The following PPFIA1 variants were observed in gnomAD, a reference collection of about 807,000 sequenced individuals.
The protein encoded by PPFIA1 is PPFI scaffold protein A1.
A neutral mutation model predicts 149.9 loss-of-function variants in PPFIA1; 25 were observed. The ratio of observed to expected loss-of-function variants is 0.17; its 90% confidence interval spans 0.12 to 0.23. PPFIA1 has a LOEUF of 0.23. Ranked by LOEUF, PPFIA1 falls within the 10% of genes least tolerant of loss-of-function variation. The pLI is 1.00. For synonymous variants in PPFIA1, 549 were observed against 552.8 expected, an observed-to-expected ratio of 0.99 and a Z score of 0.10; for missense variants, 1,362 against 1,506.5, an observed-to-expected ratio of 0.90 and a Z score of 1.59.
intron 2 of PPFIA1, among the ~76,000 whole-genome samples, chr11:70,272,866 A>C (rs1423095974): frequency 6.6e-6 from 1 of 152,260 alleles, no homozygotes; most frequent in Non-Finnish European, 1.5e-5. Flanking sequence ...CGGAAAAAAA[A>C]AATTATTTTG....
At chr11:70,350,849 T>G (rs1048125303) in intron 16 of PPFIA1, 2 of 238,842 alleles carry the variant, frequency 8.4e-6, no homozygotes, top group Non-Finnish European at 1.4e-5. Context: ...AAAAAATGGT[T>G]CTGTATCCAG....
intron 2 of PPFIA1, among the ~76,000 whole-genome samples, chr11:70,292,334 A>G (rs929193459): frequency 6.6e-6 from 1 of 152,134 alleles, no homozygotes; most frequent in Non-Finnish European, 1.5e-5. Flanking sequence ...CTGCCTCTGT[A>G]GGTAGATTCC....
Position 70,338,304 on chromosome 11 carries a change from C to T in PPFIA1, c.1492-70C>T. 5 of 1,223,466 alleles carry T rather than the reference C, an allele frequency of 4.1e-6. No homozygotes were observed. The Admixed American group carries it at 8.9e-5, about 22-fold the overall frequency. 75.8% of individuals were successfully genotyped at this position (1,223,466 alleles called of 1,614,324 possible). ...GTTAGGGTTATGCCCAACATCTGAGCACATTTGAAGTAAGTGGTTTTAAAA... is the reference window on the plus strand; with the variant it reads ...GTTAGGGTTATGCCCAACATCTGAGTACATTTGAAGTAAGTGGTTTTAAAA... On this transcript the variant is annotated intron_variant, in intron 12 of 27. Transcript: ENST00000253925.
intron 2 of PPFIA1, among the ~76,000 whole-genome samples, chr11:70,324,155 C>T (rs916964462): frequency 6.6e-6 from 1 of 152,220 alleles, no homozygotes; most frequent in Non-Finnish European, 1.5e-5. Flanking sequence ...CTTGGATTCC[C>T]CTTCTTTCCC....
intron 25 of PPFIA1, 91 bp from the exon 26 acceptor site, chr11:70,377,939 A>C: frequency 2.0e-6 from 2 of 1,005,272 alleles, no homozygotes; most frequent in African/African-American, 3.2e-5. Flanking sequence ...TACATTCTCG[A>C]GATCAGCAGT....
intron 2 of PPFIA1, among the ~76,000 whole-genome samples, chr11:70,277,265 C>A (rs374652813): frequency 6.6e-6 from 1 of 151,608 alleles, no homozygotes; most frequent in Non-Finnish European, 1.5e-5. Context: ...ATCCTCCCCC[C>A]TTAGCCTCCC....
At chr11:70,379,104 G>A (rs1185080277) in intron 26 of PPFIA1, among the ~76,000 whole-genome samples, 1 of 152,168 alleles carries the variant, frequency 6.6e-6, no homozygotes, top group Non-Finnish European at 1.5e-5. Context: ...CATTAAGCTG[G>A]TGAAGTTCTG....
chr11:70,272,847 T>C (rs1229005641), intron 2 of PPFIA1, among the ~76,000 whole-genome samples: 1 of 152,242 alleles, frequency 6.6e-6, no homozygotes, highest in Non-Finnish European at 1.5e-5. Context: ...ACAAATAGGA[T>C]TGATTTCACG....
At position 70,325,017 on chromosome 11, in the gene PPFIA1, A is replaced by G; in HGVS notation, c.531+6A>G. On this transcript the variant is annotated splice_donor_region_variant and intron_variant, in intron 4 of 27. Coordinates refer to ENST00000253925, the MANE Select transcript of PPFIA1 (RefSeq NM_003626.5). ...ACAAAGCTCTGGATGAAAAGGTGCC[A>G]TCAGCCACATAAGTCTTGGTTTGTG... 1 of 1,602,514 alleles carries G rather than the reference A, an allele frequency of 6.2e-7. No homozygotes were observed. Among genetic ancestry groups the G allele is most frequent in the South Asian group, 1.1e-5 (1 of 89,074 alleles).
In PPFIA1 at chr11:70,326,336, A is replaced by G. The variant is rs532296062; in HGVS notation, c.681A>G (p.Gln227=). The G allele has an allele frequency of 1.9e-6, 3 of 1,606,996 alleles. No individual in the cohort carries two copies. In the South Asian group the frequency reaches 3.3e-5, roughly 18 times the overall value. Reference sequence around the variant, plus strand: ...GAGTGCTGGACATAAACCATGAACAAGAAAATACACCAAGCACGAGTGGAA... The same window carrying G: ...GAGTGCTGGACATAAACCATGAACAGGAAAATACACCAAGCACGAGTGGAA... ...TDGVLDINHE[Q]ENTPSTSGKR... is the part of the protein sequence containing the mutation. The change falls in exon 6 of 28, where the codon CAA becomes CAG. Residue 227 remains glutamine, a synonymous_variant. Transcript: ENST00000253925.
intron 7 of PPFIA1, among the ~76,000 whole-genome samples, chr11:70,328,631 G>C (rs1448289643): frequency 6.6e-6 from 1 of 151,916 alleles, no homozygotes; most frequent in South Asian, 2.1e-4. Context: ...TCCATCTTTA[G>C]GTCTTTGAGG....
chr11:70,356,977 C>T (rs1032593529), intron 19 of PPFIA1, among the ~76,000 whole-genome samples: 1 of 152,014 alleles, frequency 6.6e-6, no homozygotes, highest in South Asian at 2.1e-4. Flanking sequence ...AGGGTGAGGA[C>T]GTGGAGGAAT....
chr11:70,353,351 G>T (rs772773527), intron 16 of PPFIA1, among the ~76,000 whole-genome samples: 3 of 152,166 alleles, frequency 2.0e-5, no homozygotes, highest in Non-Finnish European at 4.4e-5. Context: ...CTGCAGTCCA[G>T]CCTGGAATCA....
At chr11:70,348,539 T>C in intron 16 of PPFIA1, 119 bp downstream of exon 16, 2 of 819,188 alleles carry the variant, frequency 2.4e-6, no homozygotes, top group Non-Finnish European at 3.8e-6. Flanking sequence ...AGGTTCAAGA[T>C]TATAAAAACT....
At chr11:70,361,782 A>AT (rs35021154) in intron 19 of PPFIA1, among the ~76,000 whole-genome samples, 32,986 of 137,048 alleles carry the variant, frequency 0.24, 3,840 homozygotes, top group African/African-American at 0.25. Flanking sequence ...TACCTGGCTG[A>AT]TTTTTTTTTT....
chr11:70,362,487 C>T lies in PPFIA1; in HGVS notation c.2864C>T (p.Thr955Met), dbSNP rs143895504. The change falls in exon 21 of 28, where the codon ACG (threonine) becomes ATG (methionine). Residue 955 changes from threonine to methionine, a missense_variant and splice_region_variant. This residue lies in a region of PPFIA1 where 349 missense variants were observed against 373.3 expected (regional missense o/e 0.93). Transcript: ENST00000253925. ...CCGTCTGCCCCGCCCACATCTAGAA[C>T]GGTACGTTCAGAGACAACCCCTGCA... ...TSPSAPPTSRTTLAYGDMNHE... is the reference protein window; with the variant it reads ...TSPSAPPTSRMTLAYGDMNHE... 51 of 1,604,252 alleles carry T rather than the reference C, an allele frequency of 3.2e-5. No individual in the cohort carries two copies. Among genetic ancestry groups the T allele is most frequent in the Middle Eastern group, 1.7e-4 (1 of 6,006 alleles).
intron 2 of PPFIA1, chr11:70,279,212 C>G (rs2136057705): frequency 2.6e-6 from 1 of 383,310 alleles, no homozygotes; most frequent in Non-Finnish European, 4.9e-6. Context: ...TACGGCCCAC[C>G]AGGAACTGCA....
At chr11:70,283,233 G>A (rs892914609) in intron 2 of PPFIA1, among the ~76,000 whole-genome samples, 6 of 151,798 alleles carry the variant, frequency 4.0e-5, no homozygotes, top group African/African-American at 1.5e-4. Flanking sequence ...ATTTTCAAAT[G>A]GAGATTTTAT....
chr11:70,294,672 C>T (rs2051774903), intron 2 of PPFIA1, among the ~76,000 whole-genome samples: 1 of 151,512 alleles, frequency 6.6e-6, no homozygotes, highest in Non-Finnish European at 1.5e-5. Context: ...ACAAAGGTCT[C>T]TGGTTTTCCT....
Sources: gnomAD v4.1 joint callset for allele counts (sites outside exome capture counted in the v4.1 genomes callset) on GRCh38, gnomAD v4.1.1 for gene constraint, gnomAD v4.1.1 regional missense constraint, MANE v1.5 for transcripts, NCBI Gene and HGNC (gene_info 2026-07-23, HGNC 2026-07-21) for gene names.